The following HMGN3 variants were observed in gnomAD, a reference collection of about 807,000 sequenced individuals.
HMGN3 encodes high mobility group nucleosome-binding domain-containing protein 3.
HMGN3 carries 6 observed loss-of-function variants against 18.8 expected under a neutral mutation model. That is an observed-to-expected ratio of 0.32 (90% CI 0.18 to 0.63). The LOEUF (loss-of-function observed/expected upper bound fraction) is 0.63, where lower values mean the gene tolerates loss of function less well. HMGN3 is among the 30% of genes least tolerant of loss of function. HMGN3 has a pLI of 0.79. For missense variants in HMGN3, 107 were observed against 114.2 expected (o/e 0.94, Z 0.29); for synonymous variants, 40 against 36.5 (o/e 1.10, Z -0.35).
chr6:79,208,113 A>T (rs1471725853), intron 3 of HMGN3, among the ~76,000 whole-genome samples: 1 of 152,132 alleles, frequency 6.6e-6, no homozygotes, highest in Non-Finnish European at 1.5e-5. Context: ...TATTACAAAG[A>T]TTCTTTAGGT....
chr6:79,220,824 A>G (rs1334446898), intron 1 of HMGN3, among the ~76,000 whole-genome samples: 1 of 152,222 alleles, frequency 6.6e-6, no homozygotes, highest in East Asian at 1.9e-4. Context: ...TATAAAAGCA[A>G]GAACTGGAAG....
intron 2 of HMGN3, among the ~76,000 whole-genome samples, chr6:79,212,743 C>G (rs1200419061): frequency 6.6e-6 from 1 of 152,110 alleles, no homozygotes; most frequent in African/African-American, 2.4e-5. Context: ...AAAGAGAATC[C>G]CCCTTAGTAA....
chr6:79,230,326 A>G (rs1777778644), intron 1 of HMGN3, among the ~76,000 whole-genome samples: 1 of 152,194 alleles, frequency 6.6e-6, no homozygotes. Flanking sequence ...TTGTGGAATG[A>G]TGGAAATGTT....
At chr6:79,228,215 C>T (rs1562004167) in intron 1 of HMGN3, among the ~76,000 whole-genome samples, 1 of 152,160 alleles carries the variant, frequency 6.6e-6, no homozygotes, top group Non-Finnish European at 1.5e-5. Flanking sequence ...TTCTACCTAT[C>T]CCATCAGACA....
At chr6:79,211,923 G>C (rs1033048609) in intron 2 of HMGN3, among the ~76,000 whole-genome samples, 1 of 151,954 alleles carries the variant, frequency 6.6e-6, no homozygotes, top group Non-Finnish European at 1.5e-5. Context: ...GATACTGCTT[G>C]AAACACATGG....
chr6:79,205,773 GT>G (rs1776396372), intron 3 of HMGN3, among the ~76,000 whole-genome samples: 1 of 152,222 alleles, frequency 6.6e-6, no homozygotes, highest in African/African-American at 2.4e-5. Flanking sequence ...ATGTGGGAAA[GT>G]TTGGAACTTC....
chr6:79,223,736 T>C (rs1196531255), intron 1 of HMGN3, among the ~76,000 whole-genome samples: 1 of 60,578 alleles, frequency 1.7e-5, no homozygotes. Flanking sequence ...TCACTAGAGT[T>C]ACCTTTTTTT....
intron 3 of HMGN3, among the ~76,000 whole-genome samples, chr6:79,206,262 C>T (rs1382776325): frequency 6.6e-6 from 1 of 152,180 alleles, no homozygotes; most frequent in Non-Finnish European, 1.5e-5. Context: ...GGAAAAATGT[C>T]TCCAGGGCAC....
intron 3 of HMGN3, among the ~76,000 whole-genome samples, chr6:79,206,204 G>A (rs1776413190): frequency 6.6e-6 from 1 of 152,222 alleles, no homozygotes; most frequent in South Asian, 2.1e-4. Flanking sequence ...TCCGGCTGCA[G>A]AAATTTGCAT....
chr6:79,228,644 G>A (rs1382821911), intron 1 of HMGN3, among the ~76,000 whole-genome samples: 1 of 151,926 alleles, frequency 6.6e-6, no homozygotes, highest in Non-Finnish European at 1.5e-5. Flanking sequence ...AACAATTTTG[G>A]GAAAAAATAA....
chr6:79,218,614 G>A (rs1373578790), intron 1 of HMGN3, among the ~76,000 whole-genome samples: 1 of 152,060 alleles, frequency 6.6e-6, no homozygotes. Context: ...AGTCTATAAA[G>A]AAAAGCATAA....
At chr6:79,234,266 T>G in intron 1 of HMGN3, 2 of 343,056 alleles carry the variant, frequency 5.8e-6, no homozygotes, top group Non-Finnish European at 1.1e-5. Context: ...TTGCTTCTTG[T>G]TGTTGGGGGT....
At chr6:79,203,546 TAA>T in intron 4 of HMGN3, 32 bp downstream of exon 4, 1 of 1,581,614 alleles carries the variant, frequency 6.3e-7, no homozygotes, top group Non-Finnish European at 8.7e-7. Flanking sequence ...ATTCATTGTT[TAA>T]AAAGCCAAAA....
intron 1 of HMGN3, among the ~76,000 whole-genome samples, chr6:79,225,587 C>T (rs1777525921): frequency 6.6e-6 from 1 of 152,130 alleles, no homozygotes; most frequent in Admixed American, 6.5e-5. Flanking sequence ...TTACATGTTC[C>T]TGTTCACAAG....
At chr6:79,205,130 TG>T (rs1269521967) in intron 3 of HMGN3, among the ~76,000 whole-genome samples, 1 of 152,226 alleles carries the variant, frequency 6.6e-6, no homozygotes. Flanking sequence ...CTTATATTGC[TG>T]GTTTCTGGTG....
chr6:79,216,662 C>A (rs564887119), intron 1 of HMGN3, among the ~76,000 whole-genome samples: 6 of 152,262 alleles, frequency 3.9e-5, no homozygotes, highest in African/African-American at 1.2e-4. Context: ...CTTTTTTGTA[C>A]CCCACTCTCT....
At chr6:79,232,505 T>C (rs1257471674) in intron 1 of HMGN3, among the ~76,000 whole-genome samples, 1 of 152,152 alleles carries the variant, frequency 6.6e-6, no homozygotes, top group Non-Finnish European at 1.5e-5. Context: ...GTACACAGTT[T>C]TGCCCCTAGT....
intron 3 of HMGN3, among the ~76,000 whole-genome samples, chr6:79,205,792 C>T (rs1457320631): frequency 6.6e-6 from 1 of 152,188 alleles, no homozygotes; most frequent in Admixed American, 6.5e-5. Flanking sequence ...TTCCTAGAGA[C>T]TTGCTGAATG....
intron 1 of HMGN3, among the ~76,000 whole-genome samples, chr6:79,225,860 C>T: frequency 6.6e-6 from 1 of 152,148 alleles, no homozygotes; most frequent in Non-Finnish European, 1.5e-5. Flanking sequence ...CTGAGGCCAG[C>T]CTTAGGGCAG....
Sources: allele counts gnomAD v4.1 joint callset (sites outside exome capture counted in the v4.1 genomes callset), GRCh38; gene constraint gnomAD v4.1.1; transcripts MANE v1.5; gene names NCBI Gene and HGNC (gene_info 2026-07-23, HGNC 2026-07-21).